The following COL17A1 variants were observed in gnomAD, a reference collection of about 807,000 sequenced individuals.
COL17A1 encodes collagen alpha-1(XVII) chain.
A neutral mutation model predicts 218.4 loss-of-function variants in COL17A1; 181 were observed. That is an observed-to-expected ratio of 0.83 (90% CI 0.73 to 0.94). COL17A1 has a LOEUF of 0.94. Among genes scored for constraint, COL17A1 ranks in the 40% least tolerant of loss-of-function variants. The pLI, the probability that COL17A1 is intolerant of heterozygous loss-of-function variation, is 0.00. For missense variants in COL17A1, 1,924 were observed against 1,945.9 expected, an observed-to-expected ratio of 0.99 and a Z score of 0.21; for synonymous variants, 721 against 731.0, an observed-to-expected ratio of 0.99 and a Z score of 0.22.
In COL17A1 at chr10:104,074,083, T is replaced by C. The variant is rs188275364; in HGVS notation, c.379+101A>G. 357 of 1,580,314 alleles carry C rather than the reference T, an allele frequency of 2.3e-4. 4 individuals carry two copies. Among genetic ancestry groups the C allele is most frequent in the South Asian group, 1.8e-4 (16 of 89,926 alleles). The stretch of plus-strand genomic sequence containing the variant: ...GGTCAAACTCTTTTAGAAGAATCCA[T>C]TTAACTCATGAGGTCCCCTACTCCC... On this transcript the variant is annotated intron_variant, in intron 6 of 55. Coordinates refer to ENST00000648076, the MANE Select transcript of COL17A1 (RefSeq NM_000494.4).
chr10:104,045,681 G>GCCT, intron 33 of COL17A1, 77 bp downstream of exon 33: 1 of 1,216,490 alleles, frequency 8.2e-7, no homozygotes, highest in Non-Finnish European at 1.2e-6. Context: ...CCAGAGAGAG[G>GCCT]CCTCCTCCTG....
intron 39 of COL17A1, 32 bp downstream of exon 39, chr10:104,041,033 A>C (rs754761151): frequency 1.2e-6 from 2 of 1,613,718 alleles, no homozygotes; most frequent in Non-Finnish European, 1.7e-6. Context: ...GCTGAGGTGG[A>C]GAACAGGTGC....
At chr10:104,074,454 C>A (rs1274422769) in intron 5 of COL17A1, among the ~76,000 whole-genome samples, 2 of 152,202 alleles carry the variant, frequency 1.3e-5, no homozygotes, top group African/African-American at 2.4e-5. Context: ...TGGTCAAGGA[C>A]CTACTTCAGA....
Position 104,038,430 on chromosome 10 carries a change from G to A in COL17A1, c.3046C>T (p.Gln1016Ter), listed in dbSNP as rs1240465846. The A allele has an allele frequency of 1.9e-6, 3 of 1,614,022 alleles. No homozygotes were observed. The highest frequency in any genetic ancestry group is 2.5e-6 in the Non-Finnish European group (3 of 1,180,008). Residue 1016 changes from glutamine to a stop codon, truncating the protein, a stop_gained, in exon 45 of 56, where the codon CAG (glutamine) becomes TAG (stop). Transcript: ENST00000648076. LOFTEE classifies it high-confidence loss of function. The part of the protein sequence containing the change: ...SISSSGQEIQ[Q>*]YISEYMQSDS... ...CTCTGCATGTACTCAGAGATGTACT[G>A]CTGAATCTCCTGGCCAGAGCTGCTG... is the stretch of plus-strand genomic sequence containing the variant.
At chr10:104,058,607 G>C (rs568599874) in intron 15 of COL17A1, among the ~76,000 whole-genome samples, 1 of 152,276 alleles carries the variant, frequency 6.6e-6, no homozygotes, top group Non-Finnish European at 1.5e-5. Flanking sequence ...GCTTGGAGGA[G>C]GATTGTTCCT....
At chr10:104,040,315 T>C (rs1168356971) in intron 40 of COL17A1, 36 bp downstream of exon 40, 20 of 1,454,680 alleles carry the variant, frequency 1.4e-5, no homozygotes, top group Non-Finnish European at 1.8e-5. Context: ...AGAGGACACA[T>C]ACTGGCTTCT....
chr10:104,055,470 A>AT, intron 18 of COL17A1, 69 bp from the exon 19 acceptor site: 1 of 1,498,112 alleles, frequency 6.7e-7, no homozygotes, highest in Non-Finnish European at 9.3e-7. Flanking sequence ...ACACACACAC[A>AT]CACACACACA....
Position 104,070,553 on chromosome 10 carries a change from A to G in COL17A1, c.480T>C (p.Asp160=), listed in dbSNP as rs147114300. 4.0e-5 allele frequency: 65 copies of G among 1,614,086 alleles called. No homozygotes were observed. Among genetic ancestry groups the G allele is most frequent in the Middle Eastern group, 3.3e-4 (2 of 6,084 alleles). ...GACTCCCCTTGAGCAAACGCTTAAC[A>G]TCATCCAATTCTGTCCCTGTGAAAG... ...SPSTRWTELD[D]VKRLLKGSRS... Residue 160 remains aspartate, a synonymous_variant, in exon 9 of 56, where the codon GAT becomes GAC. Coordinates refer to ENST00000648076, the MANE Select transcript of COL17A1 (RefSeq NM_000494.4).
chr10:104,046,755 C>T lies in COL17A1; in HGVS notation c.2354G>A (p.Gly785Glu). ...PGKPGLTGPQGPQGLPGTPGR... is the reference protein window; with the variant it reads ...PGKPGLTGPQEPQGLPGTPGR... ...ATGATCCAGCGACTCACCCTGAGGT[C>T]CCTGGGGTCCTGTGAGACCTGCAGA... The change falls in exon 32 of 56, where the codon GGA becomes GAA. Residue 785 changes from glycine (G) to glutamate (E), a missense_variant. Gly to Glu is a moderately conservative substitution (Grantham distance 98). Coordinates refer to ENST00000648076, the MANE Select transcript of COL17A1 (RefSeq NM_000494.4). 1 of 1,614,026 alleles carries T rather than the reference C, an allele frequency of 6.2e-7. No individual in the cohort carries two copies. Among genetic ancestry groups the T allele is most frequent in the Non-Finnish European group, 8.5e-7 (1 of 1,179,968 alleles).
intron 1 of COL17A1, among the ~76,000 whole-genome samples, 188 bp from the exon 2 acceptor site, chr10:104,080,872 G>T (rs1396324742): frequency 6.6e-6 from 1 of 152,100 alleles, no homozygotes; most frequent in Non-Finnish European, 1.5e-5. Flanking sequence ...TAATTTAATT[G>T]TTCCACTTTG....
At position 104,048,829 on chromosome 10, in the gene COL17A1, C is replaced by CT. The variant is rs61545808; in HGVS notation, c.2227+579dup. Among the ~76,000 whole-genome samples, 750 of 143,130 alleles carry CT rather than the reference C, an allele frequency of 5.2e-3. 3 individuals are homozygous for CT. The highest frequency in any genetic ancestry group is 0.014 in the African/African-American group (569 of 39,458). The allele number at this position is 143,130 out of a possible 152,430, so 93.9% of individuals were successfully genotyped here. A position where few individuals can be genotyped will look rare whatever the true frequency, so the allele number is the denominator to read the frequency against. On this transcript the variant is annotated intron_variant, in intron 29 of 55. Coordinates refer to ENST00000648076, the MANE Select transcript of COL17A1 (RefSeq NM_000494.4). Reference sequence around the variant, plus strand: ...TCTTGGGTTTGATCCTCAACATGGTCTTTTTTTTTTTTGGTTTTTTTTTGA... The same window carrying CT: ...TCTTGGGTTTGATCCTCAACATGGTCTTTTTTTTTTTTTGGTTTTTTTTTGA...
chr10:104,033,402 G>A (rs1341077109), intron 52 of COL17A1, 27 bp from the exon 53 acceptor site: 2 of 1,607,476 alleles, frequency 1.2e-6, no homozygotes, highest in Non-Finnish European at 8.5e-7. Context: ...CTTGGGCACA[G>A]GAAGCAGGGA....
chr10:104,047,152 T>TACACTCAGAGGCCCCC (rs2134597945), intron 31 of COL17A1, among the ~76,000 whole-genome samples: 1 of 152,240 alleles, frequency 6.6e-6, no homozygotes, highest in East Asian at 1.9e-4. Flanking sequence ...AGGAGGCCCC[T>TACACTCAGAGGCCCCC]ACTCTCAGAG....
Position 104,064,593 on chromosome 10 carries a change from G to C in COL17A1, c.611C>G (p.Ser204Ter). 1 of 1,612,324 alleles carries C rather than the reference G, an allele frequency of 6.2e-7. No individual in the cohort carries two copies. The highest frequency in any genetic ancestry group is 8.5e-7 in the Non-Finnish European group (1 of 1,179,104). Residue 204 changes from serine (S) to a stop codon, truncating the protein, a stop_gained, in exon 10 of 56, where the codon TCA becomes TGA. Transcript: ENST00000648076. LOFTEE classifies it high-confidence loss of function. Reference sequence around the variant, plus strand: ...CAGGATCGTTGCATCGTAGGTGCCTGACACTGGAAACAGACACATGCACAC... The same window carrying C: ...CAGGATCGTTGCATCGTAGGTGCCTCACACTGGAAACAGACACATGCACAC... Reference protein sequence around the residue: ...KIVTASSQSVSGTYDATILDA... With the variant: ...KIVTASSQSV
chr10:104,057,058 C>T lies in COL17A1; in HGVS notation c.1382G>A (p.Cys461Tyr). 5.6e-6 allele frequency: 9 copies of T among 1,609,286 alleles called. No homozygotes were observed. Among genetic ancestry groups the T allele is most frequent in the Non-Finnish European group, 7.6e-6 (9 of 1,177,974 alleles). ...CAGCAGCCACTTCCACCAGCTGCAG[C>T]AGGAGCCGCAGGGGCACCAGGCTGG... ...PAPAWCPCGS[C>Y]CSWWKWLLGL... The change falls in exon 17 of 56, where the codon TGC (cysteine) becomes TAC (tyrosine). Residue 461 changes from cysteine to tyrosine, a missense_variant. Transcript: ENST00000648076.
chr10:104,038,231 T>TACACACACAC (rs59808906), intron 45 of COL17A1, among the ~76,000 whole-genome samples, 175 bp downstream of exon 45: 59 of 142,084 alleles, frequency 4.2e-4, no homozygotes, highest in East Asian at 2.1e-3. Context: ...TAGACACACA[T>TACACACACAC]ACACACACAC....
intron 18 of COL17A1, 84 bp downstream of exon 18, chr10:104,055,698 T>G: frequency 6.4e-7 from 1 of 1,563,948 alleles, no homozygotes; most frequent in South Asian, 1.1e-5. Flanking sequence ...ATGATGGTGC[T>G]CACAGCACAT....
At chr10:104,073,962 T>A (rs2086688469) in intron 6 of COL17A1, 3 of 589,718 alleles carry the variant, frequency 5.1e-6, no homozygotes, top group East Asian at 3.4e-5. Flanking sequence ...ATTTCTATAG[T>A]GCCACGAGCA....
chr10:104,047,793 C>T lies in COL17A1; in HGVS notation c.2281G>A (p.Gly761Arg). The stretch of plus-strand genomic sequence containing the variant: ...GGTGGGCCACGGATTCCAGGCATCC[C>T]AGTAAGACCTTGTTCACCTAGAGAG... ...QGPRGEQGLT[G>R]MPGIRGPPGP... is the part of the protein sequence containing the mutation. The change falls in exon 31 of 56, where the codon GGG becomes AGG. Residue 761 changes from glycine (G) to arginine (R), a missense_variant. Coordinates refer to ENST00000648076, the MANE Select transcript of COL17A1 (RefSeq NM_000494.4). The T allele has an allele frequency of 6.2e-7, 1 of 1,614,196 alleles. No homozygotes were observed. The highest frequency in any genetic ancestry group is 8.5e-7 in the Non-Finnish European group (1 of 1,180,016).
Sources: gnomAD v4.1 joint callset for allele counts (sites outside exome capture counted in the v4.1 genomes callset) on GRCh38, gnomAD v4.1.1 for gene constraint, MANE v1.5 for transcripts, NCBI Gene and HGNC (gene_info 2026-07-23, HGNC 2026-07-21) for gene names.